Variants in FANCD2 observed in about 807,000 individuals in gnomAD.
The protein encoded by FANCD2 is Fanconi anemia group D2 protein.
In FANCD2, 131 loss-of-function variants were observed where a neutral mutation model predicts 192.3. That is an observed-to-expected ratio of 0.68 (90% CI 0.59 to 0.79). The LOEUF (loss-of-function observed/expected upper bound fraction) is 0.79, where lower values mean the gene tolerates loss of function less well. Ranked by LOEUF, FANCD2 falls within the 30% of genes least tolerant of loss-of-function variation. The pLI, the probability that FANCD2 is intolerant of heterozygous loss-of-function variation, is 0.00. For synonymous variants in FANCD2, 524 were observed against 612.5 expected (o/e 0.86, Z 2.13); for missense variants, 1,508 against 1,701.6 (o/e 0.89, Z 2.00).
chr3:10,066,305 T>G (rs1402840090), intron 25 of FANCD2, among the ~76,000 whole-genome samples: 1 of 152,238 alleles, frequency 6.6e-6, no homozygotes, highest in African/African-American at 2.4e-5. Flanking sequence ...GTGGTGGTAG[T>G]TTCCCTCCCA....
At chr3:10,041,844 T>C (rs543956106) in intron 10 of FANCD2, 134 bp downstream of exon 10, 64 of 242,256 alleles carry the variant, frequency 2.6e-4, no homozygotes, top group African/African-American at 9.8e-4. Context: ...ATATCTCTCT[T>C]TTTTTTTTTT....
chr3:10,041,491 A>G, intron 9 of FANCD2, 132 bp from the exon 10 acceptor site: 1 of 690,000 alleles, frequency 1.4e-6, no homozygotes, highest in Admixed American at 2.2e-5. Context: ...GAAACATACT[A>G]TAAACGGTAA....
rs1236672425 is a variant in FANCD2 at position 10,074,570 on chromosome 3, A to G, written c.2756A>G (p.His919Arg). 1.2e-6 allele frequency: 2 copies of G among 1,613,786 alleles called. No homozygotes were observed. Among genetic ancestry groups the G allele is most frequent in the Non-Finnish European group, 1.7e-6 (2 of 1,179,892 alleles). ...GAAGAAAAGACATCATTGTTACTAC[A>G]TAATTCCCATGCTTTTTTCCGAGAG... is the stretch of plus-strand genomic sequence containing the variant. ...GKEEKTSLLL[H>R]NSHAFFRELD... Residue 919 changes from histidine to arginine, a missense_variant, in exon 29 of 44, where the codon CAT becomes CGT. His to Arg is a conservative substitution (Grantham distance 29). Coordinates refer to ENST00000675286, the MANE Select transcript of FANCD2 (RefSeq NM_001018115.3).
At chr3:10,077,294 C>T (rs953844552) in intron 29 of FANCD2, among the ~76,000 whole-genome samples, 4 of 151,468 alleles carry the variant, frequency 2.6e-5, no homozygotes, top group African/African-American at 9.8e-5. Context: ...CAGTGGCTCA[C>T]GCCTCTAATC....
At chr3:10,040,805 C>T in intron 9 of FANCD2, 1 of 322,198 alleles carries the variant, frequency 3.1e-6, no homozygotes, top group South Asian at 2.5e-5. Context: ...TCCTTTTGGG[C>T]AGGATGCTCC....
intron 25 of FANCD2, among the ~76,000 whole-genome samples, chr3:10,066,276 T>A (rs1415823508): frequency 6.6e-6 from 1 of 152,246 alleles, no homozygotes; most frequent in Non-Finnish European, 1.5e-5. Flanking sequence ...GGCATATGCC[T>A]ACTGTTTTGA....
chr3:10,060,089 C>A (rs1221113381), intron 18 of FANCD2, among the ~76,000 whole-genome samples: 1 of 151,588 alleles, frequency 6.6e-6, no homozygotes, highest in African/African-American at 2.4e-5. Context: ...ATCGTTTGAA[C>A]CTGGGAGGCA....
intron 18 of FANCD2, among the ~76,000 whole-genome samples, chr3:10,059,103 T>G (rs924341112): frequency 6.2e-4 from 94 of 152,126 alleles, no homozygotes; most frequent in African/African-American, 2.2e-3. Flanking sequence ...GTTCTTGACT[T>G]CCCAGGCTCA....
At chr3:10,036,111 A>T in intron 6 of FANCD2, among the ~76,000 whole-genome samples, 176 bp from the exon 7 acceptor site, 1 of 94,220 alleles carries the variant, frequency 1.1e-5, no homozygotes, top group African/African-American at 5.6e-5. Flanking sequence ...TTTTTGAGTC[A>T]GAGTCTCCTT....
intron 14 of FANCD2, among the ~76,000 whole-genome samples, chr3:10,046,275 G>T (rs1983415): frequency 6.6e-6 from 1 of 151,432 alleles, no homozygotes; most frequent in Admixed American, 6.6e-5. Context: ...GGATGGTCTC[G>T]ATCTCCTGAC....
chr3:10,092,390 G>A (rs1346927134), intron 38 of FANCD2, 138 bp downstream of exon 38: 6 of 763,944 alleles, frequency 7.9e-6, no homozygotes, highest in Non-Finnish European at 1.4e-5. Flanking sequence ...TTCTTCCTTT[G>A]TCCCCCTACC....
chr3:10,065,282 C>G, intron 23 of FANCD2, 112 bp from the exon 24 acceptor site: 1 of 797,618 alleles, frequency 1.3e-6, no homozygotes, highest in Non-Finnish European at 2.2e-6. Context: ...GAGCAAGACT[C>G]TGTCTCAAAA....
At position 10,095,283 on chromosome 3, in the gene FANCD2, G is replaced by T; in HGVS notation, c.4038+9G>T. On this transcript the variant is annotated intron_variant, in intron 41 of 43. Transcript: ENST00000675286. ...TGTGTGGGCATTCCAAGGTAAGAAG[G>T]GGAGCAGGTTCTATCAGCAGCCTGC... The T allele has an allele frequency of 6.2e-7, 1 of 1,613,268 alleles. No individual in the cohort carries two copies. Among genetic ancestry groups the T allele is most frequent in the South Asian group, 1.1e-5 (1 of 91,040 alleles).
At position 10,081,369 on chromosome 3, in the gene FANCD2, T is replaced by C. The variant is rs1443463940; in HGVS notation, c.3129T>C (p.Gly1043=). The C allele has an allele frequency of 1.9e-6, 3 of 1,613,956 alleles. No homozygotes were observed. The South Asian group carries it at 3.3e-5, about 18-fold the overall frequency. The change falls in exon 32 of 44, where the codon GGT becomes GGC. Residue 1043 remains glycine, a synonymous_variant. Coordinates refer to ENST00000675286, the MANE Select transcript of FANCD2 (RefSeq NM_001018115.3). ...AGTGTTTAGCTGCTGAGAATCACGGTGTAGTTGATGGACCAGGAGTGAAAG... is the reference window on the plus strand; with the variant it reads ...AGTGTTTAGCTGCTGAGAATCACGGCGTAGTTGATGGACCAGGAGTGAAAG... ...YFQCLAAENH[G]VVDGPGVKVQ... is the part of the protein sequence containing the mutation.
At chr3:10,043,171 C>T in intron 12 of FANCD2, 21 bp downstream of exon 12, 1 of 1,580,094 alleles carries the variant, frequency 6.3e-7, no homozygotes. Flanking sequence ...CATCCTCACA[C>T]AGGATGTCAC....
Position 10,034,530 on chromosome 3 carries a change from T to C in FANCD2, c.267T>C (p.Tyr89=). 6.2e-7 allele frequency: 1 copy of C among 1,610,126 alleles called. No homozygotes were observed. The highest frequency in any genetic ancestry group is 2.2e-5 in the East Asian group (1 of 44,844). The change falls in exon 4 of 44, where the codon TAT becomes TAC. Residue 89 remains tyrosine (Y), a synonymous_variant. Transcript: ENST00000675286. ...LFQTLRRHPS[Y]PKIIEEFVSG... The stretch of plus-strand genomic sequence containing the variant: ...AGACCCTGAGGAGACACCCTTCCTA[T>C]CCCAAAGTATGTATTTTTCCCCTGG...
At chr3:10,069,628 G>A (rs1421097167) in intron 26 of FANCD2, among the ~76,000 whole-genome samples, 1 of 152,008 alleles carries the variant, frequency 6.6e-6, no homozygotes, top group Non-Finnish European at 1.5e-5. Flanking sequence ...CGCCTGACTG[G>A]TTTTCGTACT....
intron 37 of FANCD2, among the ~76,000 whole-genome samples, chr3:10,091,269 C>T (rs1383474512): frequency 4.0e-5 from 6 of 151,256 alleles, no homozygotes; most frequent in African/African-American, 1.5e-4. Context: ...TTAGTAGAGG[C>T]GGGGTTTTGT....
chr3:10,079,541 T>TGATCCGCCCACCTCGGCCTCCC (rs1284534358), intron 30 of FANCD2, among the ~76,000 whole-genome samples: 1 of 152,174 alleles, frequency 6.6e-6, no homozygotes, highest in Non-Finnish European at 1.5e-5. Context: ...CCTGACCTCA[T>TGATCCGCCCACCTCGGCCTCCC]GATCCGCCCA....
Sources: gnomAD v4.1 joint callset for allele counts (sites outside exome capture counted in the v4.1 genomes callset) on GRCh38, gnomAD v4.1.1 for gene constraint, MANE v1.5 for transcripts, NCBI Gene and HGNC (gene_info 2026-07-23, HGNC 2026-07-21) for gene names.